CDH4: variants seen among roughly 807,000 people sequenced by gnomAD.
CDH4 encodes cadherin-4.
Under a neutral mutation model 86.0 loss-of-function variants are expected in CDH4, and 33 were observed. The observed-to-expected ratio is 0.38, with a 90% CI of 0.29 to 0.51. The LOEUF (loss-of-function observed/expected upper bound fraction) is 0.51. Ranked by LOEUF, CDH4 falls within the 20% of genes least tolerant of loss-of-function variation. The pLI is 0.86. For missense variants in CDH4, 1,114 were observed against 1,307.4 expected, an observed-to-expected ratio of 0.85 and a Z score of 2.28; for synonymous variants, 555 against 549.4, an observed-to-expected ratio of 1.01 and a Z score of -0.14.
chr20:61,647,525 T>C (rs77993682), intron 2 of CDH4, among the ~76,000 whole-genome samples: 7,948 of 68,342 alleles, frequency 0.12, 1,936 homozygotes, highest in Non-Finnish European at 0.16. Context: ...CACACACATA[T>C]TCTCTCTCCC....
intron 2 of CDH4, among the ~76,000 whole-genome samples, chr20:61,640,912 G>C (rs149704159): frequency 2.6e-5 from 4 of 152,320 alleles, no homozygotes; most frequent in Admixed American, 2.6e-4. Flanking sequence ...GCTCTGAGAT[G>C]GGGGAAGCGA....
chr20:61,883,326 C>T (rs577100635), intron 7 of CDH4, among the ~76,000 whole-genome samples: 1 of 152,208 alleles, frequency 6.6e-6, no homozygotes, highest in Admixed American at 6.5e-5. Flanking sequence ...TATTTGCTGT[C>T]GGTCTCCTCC....
intron 2 of CDH4, among the ~76,000 whole-genome samples, chr20:61,633,821 T>C (rs2086919883): frequency 6.6e-6 from 1 of 152,176 alleles, no homozygotes; most frequent in South Asian, 2.1e-4. Flanking sequence ...CTGCAGTTAA[T>C]GTGCACTGAG....
At chr20:61,786,582 C>T (rs1027886382) in intron 4 of CDH4, among the ~76,000 whole-genome samples, 5 of 152,120 alleles carry the variant, frequency 3.3e-5, no homozygotes, top group Non-Finnish European at 7.3e-5. Context: ...GCTATATTTA[C>T]GCAGCTGAAA....
intron 2 of CDH4, among the ~76,000 whole-genome samples, chr20:61,372,498 A>C (rs979286005): frequency 6.6e-6 from 1 of 152,238 alleles, no homozygotes; most frequent in African/African-American, 2.4e-5. Flanking sequence ...CCTGACACAG[A>C]CTAAGCAGCA....
At chr20:61,749,678 G>C (rs192629969) in intron 3 of CDH4, among the ~76,000 whole-genome samples, 11 of 152,292 alleles carry the variant, frequency 7.2e-5, no homozygotes, top group Admixed American at 2.0e-4. Flanking sequence ...TGAATATTTT[G>C]AACTGAGTAA....
intron 2 of CDH4, among the ~76,000 whole-genome samples, chr20:61,653,604 C>T (rs1360700497): frequency 1.3e-4 from 18 of 135,904 alleles, no homozygotes; most frequent in Admixed American, 2.2e-4. Context: ...GGCTGCCGGG[C>T]AGAGACGCTC....
chr20:61,619,865 C>T (rs6089437), intron 2 of CDH4, among the ~76,000 whole-genome samples: 45,634 of 152,186 alleles, frequency 0.3, 8,784 homozygotes, highest in Non-Finnish European at 0.43. Context: ...GCCGTAGGGC[C>T]TCTGATGATG....
intron 2 of CDH4, among the ~76,000 whole-genome samples, chr20:61,430,476 A>C (rs920941861): frequency 2.6e-5 from 4 of 152,158 alleles, no homozygotes; most frequent in African/African-American, 9.7e-5. Flanking sequence ...AAACCTGCTG[A>C]GCGTGGCAGG....
At chr20:61,735,229 C>T (rs1364509853) in intron 2 of CDH4, among the ~76,000 whole-genome samples, 3 of 152,178 alleles carry the variant, frequency 2.0e-5, no homozygotes, top group Admixed American at 2.0e-4. Context: ...AGGAGGACTC[C>T]CCCGTCTCCC....
chr20:61,862,125 T>A (rs1983357285), intron 6 of CDH4, among the ~76,000 whole-genome samples: 1 of 152,176 alleles, frequency 6.6e-6, no homozygotes, highest in Non-Finnish European at 1.5e-5. Flanking sequence ...CAGCCACTTC[T>A]GCACAGATGT....
chr20:61,590,103 G>T (rs1019331263), intron 2 of CDH4, among the ~76,000 whole-genome samples: 14 of 151,340 alleles, frequency 9.3e-5, no homozygotes, highest in African/African-American at 3.2e-4. Flanking sequence ...AGGAGCAACA[G>T]GAAGCACAGG....
intron 7 of CDH4, among the ~76,000 whole-genome samples, chr20:61,891,171 C>T (rs371593713): frequency 7.9e-5 from 12 of 151,998 alleles, no homozygotes; most frequent in East Asian, 1.9e-4. Flanking sequence ...GTTGGGGTAA[C>T]GAGGGAGGGG....
chr20:61,586,257 T>C (rs534392669), intron 2 of CDH4, among the ~76,000 whole-genome samples: 2 of 152,170 alleles, frequency 1.3e-5, no homozygotes, highest in East Asian at 3.9e-4. Flanking sequence ...GCAATTATCA[T>C]GGTGATGGTG....
intron 2 of CDH4, among the ~76,000 whole-genome samples, chr20:61,468,000 C>T (rs2085482715): frequency 6.6e-6 from 1 of 152,174 alleles, no homozygotes; most frequent in Admixed American, 6.5e-5. Flanking sequence ...TTGTCTTCTC[C>T]CCATGGAATC....
intron 4 of CDH4, among the ~76,000 whole-genome samples, chr20:61,834,718 C>T (rs983552068): frequency 3.5e-5 from 4 of 115,358 alleles, no homozygotes; most frequent in Non-Finnish European, 6.9e-5. Context: ...CGCTGCCTAT[C>T]CCCGCAGCCT....
At chr20:61,785,652 G>A (rs1034252358) in intron 4 of CDH4, among the ~76,000 whole-genome samples, 10 of 151,692 alleles carry the variant, frequency 6.6e-5, no homozygotes, top group Middle Eastern at 3.4e-3. Context: ...ACCCAGGTGT[G>A]TAGAGCCCCC....
chr20:61,843,456 CAA>C (rs869283452), intron 4 of CDH4, among the ~76,000 whole-genome samples: 63 of 58,838 alleles, frequency 1.1e-3, no homozygotes, highest in Admixed American at 4.1e-3. Flanking sequence ...GACTCCGTCT[CAA>C]AAAAAAAAAA....
chr20:61,937,191 A>T lies in CDH4; in HGVS notation c.*248A>T. 1 of 252,276 alleles carries T rather than the reference A, an allele frequency of 4.0e-6. No homozygotes were observed. The highest frequency in any genetic ancestry group is 7.4e-6 in the Non-Finnish European group (1 of 134,720). 15.6% of individuals were successfully genotyped at this position (252,276 alleles called of 1,614,324 possible). On this transcript the variant is annotated 3_prime_UTR_variant, in exon 16 of 16. Transcript: ENST00000614565. ...GCAAGAGGCACTCTGTCTTCACTTG[A>T]ATTTCCTAGAACAGAAGCACTGTTT...
Sources: gnomAD v4.1 joint callset for allele counts (sites outside exome capture counted in the v4.1 genomes callset) on GRCh38, gnomAD v4.1.1 for gene constraint, MANE v1.5 for transcripts, NCBI Gene and HGNC (gene_info 2026-07-23, HGNC 2026-07-21) for gene names.